GRID1: variants seen among roughly 807,000 people sequenced by gnomAD.
The protein encoded by GRID1 is glutamate receptor ionotropic, delta-1.
GRID1 carries 28 observed loss-of-function variants against 98.0 expected under a neutral mutation model. That is an observed-to-expected ratio of 0.29 (90% CI 0.21 to 0.39). The LOEUF (loss-of-function observed/expected upper bound fraction) is 0.39. GRID1 is among the 10% of genes least tolerant of loss of function. The pLI is 1.00. For missense variants in GRID1, 1,111 were observed against 1,340.5 expected (o/e 0.83, Z 2.67); for synonymous variants, 553 against 538.5 (o/e 1.03, Z -0.37).
At chr10:85,907,174 C>A (rs1841473494) in intron 5 of GRID1, among the ~76,000 whole-genome samples, 1 of 152,178 alleles carries the variant, frequency 6.6e-6, no homozygotes, top group Admixed American at 6.5e-5. Context: ...TGCAATGGCA[C>A]AATCTCGGCT....
intron 4 of GRID1, among the ~76,000 whole-genome samples, chr10:86,081,166 T>G (rs1426723310): frequency 6.6e-6 from 1 of 152,206 alleles, no homozygotes; most frequent in Admixed American, 6.5e-5. Context: ...GGTCTCATTC[T>G]GTCGCCCAGG....
intron 8 of GRID1, among the ~76,000 whole-genome samples, chr10:85,811,060 C>T (rs1253530748): frequency 1.3e-5 from 2 of 152,140 alleles, no homozygotes; most frequent in Non-Finnish European, 2.9e-5. Flanking sequence ...TCAGCAAGCC[C>T]ACCCCTGAAG....
chr10:86,097,869 G>T (rs750913743), intron 4 of GRID1, among the ~76,000 whole-genome samples: 5 of 152,088 alleles, frequency 3.3e-5, no homozygotes, highest in Non-Finnish European at 5.9e-5. Context: ...TTTTTCAACA[G>T]AAGAAAAGCA....
chr10:86,316,594 T>C (rs546968069), intron 2 of GRID1, among the ~76,000 whole-genome samples: 1 of 152,234 alleles, frequency 6.6e-6, no homozygotes, highest in South Asian at 2.1e-4. Context: ...AGAGCCCCAG[T>C]GGAAGATGGG....
At chr10:85,682,536 G>C (rs1841222391) in intron 12 of GRID1, among the ~76,000 whole-genome samples, 1 of 152,198 alleles carries the variant, frequency 6.6e-6, no homozygotes, top group African/African-American at 2.4e-5. Context: ...TCACTGAATT[G>C]TCACCAGCCA....
intron 12 of GRID1, among the ~76,000 whole-genome samples, chr10:85,694,515 C>T (rs1465466842): frequency 2.2e-5 from 3 of 134,748 alleles, no homozygotes; most frequent in Non-Finnish European, 1.6e-5. Context: ...CTTAAATGTC[C>T]ATCAACTGGT....
chr10:85,860,708 C>T (rs1053561467), intron 6 of GRID1, among the ~76,000 whole-genome samples: 6 of 152,218 alleles, frequency 3.9e-5, no homozygotes, highest in African/African-American at 2.4e-5. Flanking sequence ...ACCAGCTTTG[C>T]TCACTGCTGG....
intron 2 of GRID1, among the ~76,000 whole-genome samples, chr10:86,227,007 T>A (rs910618607): frequency 3.9e-5 from 6 of 152,156 alleles, no homozygotes; most frequent in Non-Finnish European, 8.8e-5. Context: ...TTATCAAGCA[T>A]CTACCAGAGG....
At chr10:85,646,291 C>G (rs777820209) in intron 13 of GRID1, 1 of 152,178 alleles carries the variant, frequency 6.6e-6, no homozygotes, top group African/African-American at 2.4e-5. Context: ...ACATGTCTCT[C>G]GCCCCATTCT....
At chr10:86,257,259 T>G (rs544674546) in intron 2 of GRID1, among the ~76,000 whole-genome samples, 95 of 152,316 alleles carry the variant, frequency 6.2e-4, no homozygotes, top group Admixed American at 1.8e-3. Context: ...TGGCAGAGTC[T>G]CTAGTGATAG....
Position 85,673,756 on chromosome 10 carries a change from C to T in GRID1, c.1998-26359G>A, listed in dbSNP as rs542545178. On this transcript the variant is annotated intron_variant, in intron 12 of 15. Transcript: ENST00000327946. ...GCACTGGAAAACCAAAAAATTCCTG[C>T]GACTTTATTTATTGCAATATTCACT... Among the ~76,000 whole-genome samples, 129 of 152,254 alleles carry T rather than the reference C, an allele frequency of 8.5e-4. 1 individual carries two copies. The South Asian group carries it at 0.022, about 26-fold the overall frequency.
At chr10:85,958,251 A>G (rs926097354) in intron 4 of GRID1, among the ~76,000 whole-genome samples, 2 of 152,158 alleles carry the variant, frequency 1.3e-5, no homozygotes, top group African/African-American at 4.8e-5. Context: ...AATCTCCTCA[A>G]AGATAGGAAT....
At chr10:86,330,289 G>A (rs980157403) in intron 2 of GRID1, among the ~76,000 whole-genome samples, 4 of 152,062 alleles carry the variant, frequency 2.6e-5, no homozygotes, top group Non-Finnish European at 5.9e-5. Context: ...AGCCTTCCTT[G>A]GGGCTCCTCT....
intron 3 of GRID1, among the ~76,000 whole-genome samples, chr10:86,171,246 C>G (rs1845482865): frequency 6.6e-6 from 1 of 152,198 alleles, no homozygotes; most frequent in East Asian, 1.9e-4. Flanking sequence ...TTCTCAAGCT[C>G]AAGAGAACCA....
chr10:85,776,452 T>C (rs1164438830), intron 8 of GRID1, among the ~76,000 whole-genome samples: 2 of 151,842 alleles, frequency 1.3e-5, no homozygotes, highest in African/African-American at 2.4e-5. Context: ...AGGAGAAAAA[T>C]AGAAACACAC....
At chr10:85,836,476 G>A (rs1253620720) in intron 8 of GRID1, among the ~76,000 whole-genome samples, 1 of 152,152 alleles carries the variant, frequency 6.6e-6, no homozygotes, top group African/African-American at 2.4e-5. Context: ...GGGAATGGAT[G>A]AATTGAACTG....
chr10:86,249,371 A>C lies in GRID1; in HGVS notation c.236-42723T>G, dbSNP rs561988936. Among the ~76,000 whole-genome samples the C allele has an allele frequency of 2.4e-3, 368 of 152,332 alleles. 1 individual carries two copies. Among genetic ancestry groups the C allele is most frequent in the African/African-American group, 7.2e-3 (299 of 41,564 alleles). On this transcript the variant is annotated intron_variant, in intron 2 of 15. Coordinates refer to ENST00000327946, the MANE Select transcript of GRID1 (RefSeq NM_017551.3). ...AAGGACTTCTCTGGAGTTAAGTCAC[A>C]GTCTCCTCTGGATCCATCCTTGGAC...
chr10:85,610,588 C>T (rs922513026), intron 15 of GRID1, among the ~76,000 whole-genome samples: 6 of 152,186 alleles, frequency 3.9e-5, no homozygotes, highest in Non-Finnish European at 8.8e-5. Context: ...CCCCTCTGAC[C>T]CCACCATGCC....
At chr10:86,051,034 C>A (rs531633284) in intron 4 of GRID1, among the ~76,000 whole-genome samples, 1 of 151,258 alleles carries the variant, frequency 6.6e-6, no homozygotes, top group Non-Finnish European at 1.5e-5. Context: ...GCCAAGATTG[C>A]GCCATTGCAC....
Sources: allele counts gnomAD v4.1 joint callset (sites outside exome capture counted in the v4.1 genomes callset), GRCh38; gene constraint gnomAD v4.1.1; transcripts MANE v1.5; gene names NCBI Gene and HGNC (gene_info 2026-07-23, HGNC 2026-07-21).